RALGAPA1: variants seen among roughly 807,000 people sequenced by gnomAD.
The protein encoded by RALGAPA1 is Ral GTPase activating protein catalytic subunit alpha 1.
RALGAPA1 carries 52 observed loss-of-function variants against 269.6 expected under a neutral mutation model. That is an observed-to-expected ratio of 0.19 (90% confidence interval 0.15 to 0.24). The LOEUF is 0.24. Among genes scored for constraint, RALGAPA1 ranks in the 10% least tolerant of loss-of-function variants. The pLI is 1.00. For synonymous variants in RALGAPA1, 817 were observed against 1,008.3 expected, an observed-to-expected ratio of 0.81 and a Z score of 3.60; for missense variants, 1,917 against 3,013.9, an observed-to-expected ratio of 0.64 and a Z score of 8.52.
chr14:35,545,335 T>C (rs2054357977), intron 41 of RALGAPA1, among the ~76,000 whole-genome samples: 1 of 152,016 alleles, frequency 6.6e-6, no homozygotes. Context: ...TATCTACATA[T>C]GGGAATATAG....
intron 37 of RALGAPA1, among the ~76,000 whole-genome samples, chr14:35,582,958 T>A (rs1163087989): frequency 6.6e-6 from 1 of 152,144 alleles, no homozygotes; most frequent in African/African-American, 2.4e-5. Context: ...GATGGGACAA[T>A]GGAGTGCCTC....
rs145921476 is a variant in RALGAPA1 at position 35,742,598 on chromosome 14, A to C, written c.1252-33T>G. The C allele has an allele frequency of 1.8e-4, 262 of 1,490,750 alleles. 5 individuals carry two copies. The African/African-American group carries it at 2.7e-3, about 15-fold the overall frequency. 92.3% of individuals were successfully genotyped at this position (1,490,750 alleles called of 1,614,324 possible). ...AAAAAAGGAGAATCAAGATAATGAT[A>C]CTTTTTCCTTTGCCACAAACCACTA... On this transcript the variant is annotated intron_variant, in intron 10 of 41. Transcript: ENST00000680220.
intron 39 of RALGAPA1, among the ~76,000 whole-genome samples, chr14:35,566,121 C>T (rs1657346904): frequency 6.6e-6 from 1 of 152,006 alleles, no homozygotes; most frequent in African/African-American, 2.4e-5. Flanking sequence ...GCTCCAGACC[C>T]CTCCCCTGCC....
intron 31 of RALGAPA1, among the ~76,000 whole-genome samples, chr14:35,644,717 G>C (rs575012553): frequency 2.0e-5 from 3 of 152,280 alleles, no homozygotes; most frequent in African/African-American, 7.2e-5. Flanking sequence ...AGGATGGACT[G>C]AATCTCGTGG....
chr14:35,740,800 C>T lies in RALGAPA1; in HGVS notation c.1449+1568G>A, dbSNP rs975191260. 2.6e-5 allele frequency among the ~76,000 whole-genome samples: 4 copies of T among 152,230 alleles called. No homozygotes were observed. In the East Asian group the frequency reaches 7.7e-4, roughly 29 times the overall value. ...TCCAACCAGGGCGACAGAGGAAAAC[C>T]TTGTTTCAAAATAATAATAATAATA... On this transcript the variant is annotated intron_variant, in intron 11 of 41. Coordinates refer to ENST00000680220, the MANE Select transcript of RALGAPA1 (RefSeq NM_001346249.2).
intron 9 of RALGAPA1, among the ~76,000 whole-genome samples, chr14:35,749,953 G>C (rs772977378): frequency 2.6e-5 from 4 of 151,746 alleles, no homozygotes; most frequent in African/African-American, 4.8e-5. Flanking sequence ...GAAAATAGAA[G>C]ATAAAAAAGA....
At chr14:35,665,089 C>T (rs1047697234) in intron 26 of RALGAPA1, among the ~76,000 whole-genome samples, 2 of 152,148 alleles carry the variant, frequency 1.3e-5, no homozygotes, top group Middle Eastern at 3.2e-3. Context: ...TTAAAGGTAA[C>T]TCACACATTG....
chr14:35,689,877 G>A lies in RALGAPA1; in HGVS notation c.2534C>T (p.Thr845Ile). 4 of 1,604,712 alleles carry A rather than the reference G, an allele frequency of 2.5e-6. No individual in the cohort carries two copies. In the South Asian group the frequency reaches 3.3e-5, roughly 13 times the overall value. ...AGTGAATGGTTCCAAGATGTCAGAA[G>A]TGCTGCTACTTCGAGGCAATGGCTG... ...EEQPLPRSSS[T>I]SDILEPFTVE... The change falls in exon 18 of 42, where the codon ACT becomes ATT. Residue 845 changes from threonine (T) to isoleucine (I), a missense_variant. By Grantham distance (89) the Thr-to-Ile change is moderately conservative. Around this residue, in one of 11 missense-constraint regions of RALGAPA1, gnomAD observed 2 missense variants for 16.8 expected, o/e 0.12. Transcript: ENST00000680220.
intron 4 of RALGAPA1, chr14:35,766,448 T>G: frequency 6.4e-7 from 1 of 1,572,718 alleles, no homozygotes; most frequent in Non-Finnish European, 8.7e-7. Flanking sequence ...CTGACCTCTT[T>G]GAGTCTGAGG....
In RALGAPA1 at chr14:35,686,523, T is replaced by C. The variant is rs1298171688; in HGVS notation, c.4077+19A>G. 6 of 1,584,638 alleles carry C rather than the reference T, an allele frequency of 3.8e-6. No individual in the cohort carries two copies. The highest frequency in any genetic ancestry group is 4.3e-6 in the Non-Finnish European group (5 of 1,168,970). On this transcript the variant is annotated intron_variant, in intron 19 of 41. Coordinates refer to ENST00000680220, the MANE Select transcript of RALGAPA1 (RefSeq NM_001346249.2). ...TTCTACCCTCCTCTATAAAACCAAA[T>C]ATATAAAATAAAACTTACCGAGGCA...
At chr14:35,716,785 C>T (rs139352426) in intron 16 of RALGAPA1, among the ~76,000 whole-genome samples, 19 of 152,196 alleles carry the variant, frequency 1.2e-4, no homozygotes, top group Admixed American at 1.2e-3. Context: ...ATAATATGTA[C>T]TACCTTCTAA....
intron 35 of RALGAPA1, among the ~76,000 whole-genome samples, chr14:35,614,231 A>G (rs1751377145): frequency 6.6e-6 from 1 of 152,202 alleles, no homozygotes; most frequent in South Asian, 2.1e-4. Context: ...TCCTAGGTAT[A>G]TATTCAAAAC....
chr14:35,808,453 C>G (rs1412877174), intron 1 of RALGAPA1, among the ~76,000 whole-genome samples: 1 of 152,218 alleles, frequency 6.6e-6, no homozygotes, highest in East Asian at 1.9e-4. Flanking sequence ...GGTCTCCCCA[C>G]AAAGTCTTAA....
intron 35 of RALGAPA1, among the ~76,000 whole-genome samples, chr14:35,609,162 G>A (rs1204854065): frequency 6.6e-6 from 1 of 152,014 alleles, no homozygotes; most frequent in Non-Finnish European, 1.5e-5. Context: ...GGGAGGCAGA[G>A]GTTGCAGTGA....
At chr14:35,700,085 TTTGA>T (rs1447671045) in intron 17 of RALGAPA1, 73 bp downstream of exon 17, 5 of 1,337,622 alleles carry the variant, frequency 3.7e-6, no homozygotes, top group Admixed American at 5.8e-5. Context: ...AAAGAGTTTA[TTTGA>T]TTAAGCAAAA....
At chr14:35,546,838 A>G (rs1478264268) in intron 41 of RALGAPA1, among the ~76,000 whole-genome samples, 3 of 152,080 alleles carry the variant, frequency 2.0e-5, no homozygotes, top group Admixed American at 6.5e-5. Context: ...AGGGAGCTCT[A>G]TATGTATGGG....
chr14:35,799,175 GT>G (rs2141895022), intron 1 of RALGAPA1, among the ~76,000 whole-genome samples: 1 of 152,274 alleles, frequency 6.6e-6, no homozygotes, highest in South Asian at 2.1e-4. Context: ...TAAAGGTTGG[GT>G]GAAGAAATGG....
At position 35,568,450 on chromosome 14, in the gene RALGAPA1, G is replaced by A. The variant is rs998233992; in HGVS notation, c.7496+2167C>T. On this transcript the variant is annotated intron_variant, in intron 39 of 41. Coordinates refer to ENST00000680220, the MANE Select transcript of RALGAPA1 (RefSeq NM_001346249.2). ...GAATAATAAAAATTTAGAAAAAGTA[G>A]ACTAGGAAAGTGAGAATTTGTCAGT... Among the ~76,000 whole-genome samples the A allele has an allele frequency of 7.3e-5, 11 of 149,894 alleles. 1 individual carries two copies. The South Asian group carries it at 2.3e-3, about 32-fold the overall frequency.
intron 37 of RALGAPA1, among the ~76,000 whole-genome samples, chr14:35,591,137 G>A (rs1369373132): frequency 6.6e-6 from 1 of 152,298 alleles, no homozygotes; most frequent in African/African-American, 2.4e-5. Flanking sequence ...AAATGGTGGT[G>A]TAAATTTTAA....
Sources: gnomAD v4.1 joint callset for allele counts (sites outside exome capture counted in the v4.1 genomes callset) on GRCh38, gnomAD v4.1.1 for gene constraint, gnomAD v4.1.1 regional missense constraint, MANE v1.5 for transcripts, NCBI Gene and HGNC (gene_info 2026-07-23, HGNC 2026-07-21) for gene names.